PTBP2: variants seen among roughly 807,000 people sequenced by gnomAD.
The protein encoded by PTBP2 is polypyrimidine tract-binding protein 2.
In PTBP2, 13 loss-of-function variants were observed where a neutral mutation model predicts 61.4. The ratio of observed to expected loss-of-function variants is 0.21; its 90% CI spans 0.14 to 0.34. The LOEUF is 0.34. Among genes scored for constraint, PTBP2 ranks in the 10% least tolerant of loss-of-function variants. PTBP2 has a pLI of 1.00. For missense variants in PTBP2, 405 were observed against 642.6 expected (o/e 0.63, Z 4.00); for synonymous variants, 215 against 218.5 (o/e 0.98, Z 0.14).
At chr1:96,792,343 T>G (rs1659939365) in intron 8 of PTBP2, among the ~76,000 whole-genome samples, 1 of 152,130 alleles carries the variant, frequency 6.6e-6, no homozygotes. Flanking sequence ...CCATTATCGA[T>G]CCCATTTTAT....
At chr1:96,794,205 G>T (rs561227085) in intron 8 of PTBP2, among the ~76,000 whole-genome samples, 6 of 152,160 alleles carry the variant, frequency 3.9e-5, no homozygotes, top group African/African-American at 1.4e-4. Context: ...TCATCTTAGG[G>T]TTAATATTTT....
chr1:96,809,443 A>C (rs1048647733), intron 11 of PTBP2, among the ~76,000 whole-genome samples: 27 of 152,338 alleles, frequency 1.8e-4, no homozygotes, highest in African/African-American at 6.5e-4. Context: ...ATTAATAACA[A>C]AAAGATGCAT....
chr1:96,761,131 A>G (rs72976413), intron 3 of PTBP2, among the ~76,000 whole-genome samples: 6,827 of 152,222 alleles, frequency 0.045, 478 homozygotes, highest in African/African-American at 0.15. Context: ...AATGTTGGAG[A>G]TTAACAGAAA....
At chr1:96,764,643 A>G (rs1656444759) in intron 3 of PTBP2, among the ~76,000 whole-genome samples, 1 of 152,212 alleles carries the variant, frequency 6.6e-6, no homozygotes. Flanking sequence ...TAACTTTTAC[A>G]GACATATTTT....
chr1:96,739,396 A>G (rs1045430617), intron 2 of PTBP2, among the ~76,000 whole-genome samples: 1 of 152,060 alleles, frequency 6.6e-6, no homozygotes, highest in South Asian at 2.1e-4. Flanking sequence ...ATAATATTAC[A>G]TTGCAAAACC....
intron 3 of PTBP2, among the ~76,000 whole-genome samples, chr1:96,769,162 A>C (rs570407039): frequency 6.6e-6 from 1 of 152,176 alleles, no homozygotes; most frequent in East Asian, 1.9e-4. Flanking sequence ...AACCTGCTAC[A>C]CATGTAGGCT....
chr1:96,752,782 C>T (rs1430894677), intron 3 of PTBP2, among the ~76,000 whole-genome samples: 3 of 151,518 alleles, frequency 2.0e-5, no homozygotes, highest in Non-Finnish European at 4.4e-5. Flanking sequence ...TTTTCAGTCT[C>T]CCCCCAAAAC....
intron 8 of PTBP2, among the ~76,000 whole-genome samples, chr1:96,798,407 A>G (rs774474718): frequency 1.3e-5 from 2 of 152,198 alleles, no homozygotes; most frequent in African/African-American, 2.4e-5. Context: ...CTCCATCTCA[A>G]AAATACAAAA....
chr1:96,776,822 T>C (rs1658095467), intron 5 of PTBP2, among the ~76,000 whole-genome samples: 1 of 151,562 alleles, frequency 6.6e-6, no homozygotes, highest in Admixed American at 6.6e-5. Flanking sequence ...ACTGTGTTTA[T>C]TCAATTTTAT....
At chr1:96,725,188 G>C (rs1207877067) in intron 2 of PTBP2, among the ~76,000 whole-genome samples, 1 of 152,082 alleles carries the variant, frequency 6.6e-6, no homozygotes, top group African/African-American at 2.4e-5. Context: ...GTGAGTTGTC[G>C]ACTGTTAGTG....
At chr1:96,761,622 G>C (rs931365683) in intron 3 of PTBP2, among the ~76,000 whole-genome samples, 2 of 152,116 alleles carry the variant, frequency 1.3e-5, no homozygotes, top group Non-Finnish European at 2.9e-5. Flanking sequence ...TTTTGTCTTA[G>C]AATCACTGGG....
chr1:96,796,465 G>A (rs1216516443), intron 8 of PTBP2, among the ~76,000 whole-genome samples: 1 of 152,114 alleles, frequency 6.6e-6, no homozygotes, highest in Non-Finnish European at 1.5e-5. Context: ...ATTGAATTCT[G>A]ATCTAAAAAT....
At chr1:96,775,751 C>G (rs1387701172) in intron 5 of PTBP2, among the ~76,000 whole-genome samples, 1 of 151,866 alleles carries the variant, frequency 6.6e-6, no homozygotes, top group Non-Finnish European at 1.5e-5. Flanking sequence ...CAAGCCAACA[C>G]TGCTCCATGA....
At chr1:96,747,218 T>A (rs1003033848) in intron 2 of PTBP2, among the ~76,000 whole-genome samples, 1 of 152,076 alleles carries the variant, frequency 6.6e-6, no homozygotes, top group Non-Finnish European at 1.5e-5. Flanking sequence ...TCTTTACACA[T>A]TCCAAATTTT....
At chr1:96,731,127 A>G (rs1054039132) in intron 2 of PTBP2, among the ~76,000 whole-genome samples, 3 of 152,160 alleles carry the variant, frequency 2.0e-5, no homozygotes, top group African/African-American at 4.8e-5. Context: ...ACATACCACA[A>G]TTTAGTTTCC....
At chr1:96,801,170 A>G (rs1260749863) in intron 8 of PTBP2, among the ~76,000 whole-genome samples, 10 of 152,152 alleles carry the variant, frequency 6.6e-5, no homozygotes, top group Non-Finnish European at 1.5e-4. Flanking sequence ...ATGAATTTAT[A>G]CTTTTTCCTG....
At chr1:96,786,089 A>G (rs1406292356) in intron 8 of PTBP2, among the ~76,000 whole-genome samples, 2 of 152,204 alleles carry the variant, frequency 1.3e-5, no homozygotes, top group Non-Finnish European at 2.9e-5. Context: ...CAAAATTGAT[A>G]GTTGACAAAC....
intron 2 of PTBP2, among the ~76,000 whole-genome samples, chr1:96,725,013 G>C (rs556020271): frequency 6.6e-6 from 1 of 152,246 alleles, no homozygotes; most frequent in African/African-American, 2.4e-5. Flanking sequence ...ATTTTGTACA[G>C]ACTAAAGGAG....
rs373120041 is a variant in PTBP2 at position 96,742,662 on chromosome 1, C to CTT, written c.40-8747_40-8746dup. ...AAAGGTAATCAGCTGATAGCTTTGG[C>CTT]TTTTTTTTTTTTTTTTTACTTTTAG... On this transcript the variant is annotated intron_variant, in intron 2 of 13. Coordinates refer to ENST00000674951, the MANE Select transcript of PTBP2 (RefSeq NM_021190.4). 3.0e-3 allele frequency among the ~76,000 whole-genome samples: 358 copies of CTT among 120,014 alleles called. 3 individuals carry two copies. The highest frequency in any genetic ancestry group is 0.013 in the East Asian group (53 of 4,014). 78.7% of individuals were successfully genotyped at this position (120,014 alleles called of 152,430 possible). A position where few individuals can be genotyped will look rare whatever the true frequency, so the allele number is the denominator to read the frequency against.
Sources: allele counts gnomAD v4.1 joint callset (sites outside exome capture counted in the v4.1 genomes callset), GRCh38; gene constraint gnomAD v4.1.1; transcripts MANE v1.5; gene names NCBI Gene and HGNC (gene_info 2026-07-23, HGNC 2026-07-21).